Variants in DDAH1 observed in about 807,000 individuals in gnomAD.
DDAH1 encodes the protein dimethylarginine dimethylaminohydrolase 1.
A neutral mutation model predicts 28.8 loss-of-function variants in DDAH1; 19 were observed. The observed-to-expected ratio is 0.66, with a 90% CI of 0.46 to 0.97. The LOEUF is 0.97. Ranked by LOEUF, DDAH1 falls within the 50% of genes least tolerant of loss-of-function variation. The pLI, the probability that DDAH1 is intolerant of heterozygous loss-of-function variation, is 0.00. For missense variants in DDAH1, 326 were observed against 375.9 expected (o/e 0.87, Z 1.10); for synonymous variants, 153 against 154.4 (o/e 0.99, Z 0.07).
At chr1:85,409,742 T>C (rs1652560795) in intron 1 of DDAH1, among the ~76,000 whole-genome samples, 1 of 152,188 alleles carries the variant, frequency 6.6e-6, no homozygotes, top group African/African-American at 2.4e-5. Flanking sequence ...GTTTCAGCAT[T>C]ATTTGTAATG....
intron 1 of DDAH1, among the ~76,000 whole-genome samples, chr1:85,422,576 A>G (rs1653194140): frequency 6.6e-6 from 1 of 152,130 alleles, no homozygotes; most frequent in Non-Finnish European, 1.5e-5. Context: ...ATACTTATGA[A>G]AGGTATAAGG....
At chr1:85,380,188 C>T (rs2100906270) in intron 1 of DDAH1, among the ~76,000 whole-genome samples, 1 of 152,242 alleles carries the variant, frequency 6.6e-6, no homozygotes, top group East Asian at 1.9e-4. Context: ...GGCCGTATGA[C>T]ATTAAGTAAT....
chr1:85,375,325 G>A (rs777804699), intron 1 of DDAH1, among the ~76,000 whole-genome samples: 2 of 152,134 alleles, frequency 1.3e-5, no homozygotes, highest in Admixed American at 6.6e-5. Flanking sequence ...AATGCACCTG[G>A]TCAACTCGAG....
At chr1:85,568,440 C>CT (rs1297055624) in intron 1 of DDAH1, among the ~76,000 whole-genome samples, 2 of 152,164 alleles carry the variant, frequency 1.3e-5, no homozygotes, top group Admixed American at 1.3e-4. Context: ...ACTGTGCCCA[C>CT]TGCCTAGGGA....
At chr1:85,400,873 C>T (rs1467628995) in intron 1 of DDAH1, among the ~76,000 whole-genome samples, 4 of 152,140 alleles carry the variant, frequency 2.6e-5, no homozygotes, top group Admixed American at 6.6e-5. Flanking sequence ...ATTCCTATAT[C>T]CATCTTTTGA....
At chr1:85,512,712 A>G (rs1187789440) in intron 1 of DDAH1, among the ~76,000 whole-genome samples, 1 of 152,058 alleles carries the variant, frequency 6.6e-6, no homozygotes, top group Admixed American at 6.5e-5. Flanking sequence ...ATTAGCAGAC[A>G]AACAGAGAGC....
intron 1 of DDAH1, among the ~76,000 whole-genome samples, chr1:85,539,864 ACT>A (rs1469625008): frequency 1.3e-5 from 2 of 151,108 alleles, no homozygotes; most frequent in East Asian, 3.9e-4. Context: ...ACTTAATTCA[ACT>A]CTCTTTCTAT....
intron 1 of DDAH1, among the ~76,000 whole-genome samples, chr1:85,572,228 C>T (rs973467701): frequency 6.6e-6 from 1 of 152,118 alleles, no homozygotes; most frequent in Non-Finnish European, 1.5e-5. Context: ...CATTGTTTAA[C>T]TTGTTTATTA....
intron 2 of DDAH1, chr1:85,482,390 G>A (rs1480714251): frequency 5.9e-5 from 9 of 152,208 alleles, no homozygotes; most frequent in East Asian, 1.9e-4. Flanking sequence ...GTCAAAAAAC[G>A]TCTTTCAACA....
chr1:85,384,564 A>AGT (rs1651154852), intron 1 of DDAH1, among the ~76,000 whole-genome samples: 1 of 152,192 alleles, frequency 6.6e-6, no homozygotes, highest in Non-Finnish European at 1.5e-5. Context: ...GCTGTTTCAT[A>AGT]TAGTTGGTCC....
chr1:85,376,832 G>A (rs962659306), intron 1 of DDAH1: 1 of 149,452 alleles, frequency 6.7e-6, no homozygotes, highest in Non-Finnish European at 1.5e-5. Flanking sequence ...CAAAGCCACC[G>A]AGAGTAAGTG....
chr1:85,514,373 G>A (rs1353580114), intron 1 of DDAH1, among the ~76,000 whole-genome samples: 7 of 152,038 alleles, frequency 4.6e-5, no homozygotes, highest in East Asian at 1.9e-4. Flanking sequence ...ATCACACACC[G>A]GGGCCTGTCA....
intron 1 of DDAH1, among the ~76,000 whole-genome samples, chr1:85,436,093 G>A (rs1029369591): frequency 1.3e-5 from 2 of 151,852 alleles, no homozygotes; most frequent in Admixed American, 6.6e-5. Context: ...GAGCCACCGC[G>A]CCCAGCCACT....
intron 1 of DDAH1, among the ~76,000 whole-genome samples, chr1:85,455,065 T>A (rs1333294652): frequency 1.3e-5 from 2 of 152,080 alleles, no homozygotes; most frequent in East Asian, 3.9e-4. Flanking sequence ...GTTAGAAAAT[T>A]CCAAAAACAA....
At chr1:85,344,587 T>C (rs1648723211) in intron 4 of DDAH1, among the ~76,000 whole-genome samples, 2 of 145,692 alleles carry the variant, frequency 1.4e-5, no homozygotes, top group Admixed American at 6.8e-5. Context: ...TTCCCTCCCT[T>C]CCCTCCCTCC....
At chr1:85,433,999 T>C (rs528221171) in intron 1 of DDAH1, among the ~76,000 whole-genome samples, 18 of 152,308 alleles carry the variant, frequency 1.2e-4, no homozygotes, top group Admixed American at 3.9e-4. Flanking sequence ...GTACAGTATT[T>C]ATTAATTAAA....
At chr1:85,362,022 G>C (rs1207950097) in intron 1 of DDAH1, among the ~76,000 whole-genome samples, 1 of 152,116 alleles carries the variant, frequency 6.6e-6, no homozygotes, top group Non-Finnish European at 1.5e-5. Flanking sequence ...TAGTGCACAA[G>C]AAAACAACTG....
At chr1:85,496,442 A>C (rs1656597592) in intron 1 of DDAH1, among the ~76,000 whole-genome samples, 1 of 152,236 alleles carries the variant, frequency 6.6e-6, no homozygotes, top group Non-Finnish European at 1.5e-5. Context: ...TAGAAAGATG[A>C]CTTTAACTCA....
intron 1 of DDAH1, among the ~76,000 whole-genome samples, chr1:85,416,597 T>C (rs768529976): frequency 5.9e-5 from 9 of 152,242 alleles, no homozygotes; most frequent in Middle Eastern, 6.3e-3. Flanking sequence ...CTCTAGTTTC[T>C]GGAAAAGAAA....
Sources: allele counts gnomAD v4.1 joint callset (sites outside exome capture counted in the v4.1 genomes callset), GRCh38; gene constraint gnomAD v4.1.1; transcripts MANE v1.5; gene names NCBI Gene and HGNC (gene_info 2026-07-23, HGNC 2026-07-21).